TTC17: variants seen among roughly 807,000 people sequenced by gnomAD.
TTC17 encodes tetratricopeptide repeat protein 17.
In TTC17, 58 loss-of-function variants were observed where a neutral mutation model predicts 143.8. The observed-to-expected ratio is 0.40, with a 90% CI of 0.33 to 0.50. The LOEUF is 0.50. Ranked by LOEUF, TTC17 falls within the 20% of genes least tolerant of loss-of-function variation. The pLI is 0.49. For synonymous variants in TTC17, 501 were observed against 497.8 expected (o/e 1.01, Z -0.09); for missense variants, 1,273 against 1,392.5 (o/e 0.91, Z 1.37).
intron 1 of TTC17, 167 bp from the exon 2 acceptor site, chr11:43,379,066 T>G (rs935717974): frequency 1.2e-5 from 8 of 643,430 alleles, no homozygotes; most frequent in Non-Finnish European, 2.1e-5. Context: ...TCATTCCCTT[T>G]GCTAACATTT....
Position 43,458,156 on chromosome 11 carries a change from T to G in TTC17, c.3030+6891T>G, listed in dbSNP as rs77468610. Reference sequence around the variant, plus strand: ...GTCTGGGCTGGGCTCAGCCGGGCACTTCTTCTGCTGATCTCACGTGAAGTC... The same window carrying G: ...GTCTGGGCTGGGCTCAGCCGGGCACGTCTTCTGCTGATCTCACGTGAAGTC... On this transcript the variant is annotated intron_variant, in intron 21 of 23. Coordinates refer to ENST00000039989, the MANE Select transcript of TTC17 (RefSeq NM_018259.6). 3.9e-5 allele frequency among the ~76,000 whole-genome samples: 6 copies of G among 152,206 alleles called. No homozygotes were observed. The South Asian group carries it at 1.2e-3, about 32-fold the overall frequency.
At chr11:43,462,186 T>C (rs544575806) in intron 21 of TTC17, among the ~76,000 whole-genome samples, 1 of 152,162 alleles carries the variant, frequency 6.6e-6, no homozygotes, top group Admixed American at 6.5e-5. Context: ...GAATATTTTA[T>C]AACACTAAAG....
At chr11:43,404,250 T>C in intron 11 of TTC17, 106 bp downstream of exon 11, 1 of 1,088,682 alleles carries the variant, frequency 9.2e-7, no homozygotes, top group East Asian at 2.7e-5. Context: ...ACTGTTCAGA[T>C]TAGTTCAGCA....
chr11:43,429,734 T>C (rs1019393381), intron 16 of TTC17, among the ~76,000 whole-genome samples: 14 of 152,174 alleles, frequency 9.2e-5, no homozygotes, highest in Non-Finnish European at 4.4e-5. Context: ...TTGAGTGCAG[T>C]TGGGTAGAAA....
chr11:43,379,453 C>G, intron 2 of TTC17, 131 bp downstream of exon 2: 1 of 690,648 alleles, frequency 1.4e-6, no homozygotes, highest in South Asian at 1.8e-5. Context: ...AATATACTAC[C>G]TGCAATGTGT....
At chr11:43,400,405 TTGAGG>T (rs1857801609) in intron 9 of TTC17, among the ~76,000 whole-genome samples, 1 of 152,154 alleles carries the variant, frequency 6.6e-6, no homozygotes, top group African/African-American at 2.4e-5. Context: ...TAGGTCTGAA[TTGAGG>T]CCTGAGAGTC....
chr11:43,425,102 G>A (rs1483767562), intron 16 of TTC17, among the ~76,000 whole-genome samples: 3 of 152,128 alleles, frequency 2.0e-5, no homozygotes, highest in Non-Finnish European at 2.9e-5. Context: ...TTCAGTTTAT[G>A]TAATGTTAAG....
intron 21 of TTC17, among the ~76,000 whole-genome samples, chr11:43,487,242 T>C (rs554268692): frequency 1.8e-4 from 27 of 152,122 alleles, no homozygotes; most frequent in Middle Eastern, 3.4e-3. Flanking sequence ...TCCTCCCGGG[T>C]TCAAGTGATT....
chr11:43,434,134 A>C (rs1378831738), intron 16 of TTC17, among the ~76,000 whole-genome samples: 1 of 150,400 alleles, frequency 6.6e-6, no homozygotes, highest in African/African-American at 2.5e-5. Flanking sequence ...ACCATTGCTC[A>C]TGGCTTCTTT....
intron 21 of TTC17, among the ~76,000 whole-genome samples, chr11:43,459,107 C>G (rs1947817500): frequency 6.6e-6 from 1 of 151,986 alleles, no homozygotes; most frequent in Non-Finnish European, 1.5e-5. Flanking sequence ...AACTGTAAAC[C>G]TATGAATTAA....
intron 16 of TTC17, among the ~76,000 whole-genome samples, chr11:43,438,662 G>A (rs1195292719): frequency 1.3e-5 from 2 of 152,280 alleles, no homozygotes; most frequent in South Asian, 2.1e-4. Context: ...GTCAGATTTT[G>A]TTGGCCATCT....
rs550560974 is a variant in TTC17, at chr11:43,428,811, A to G, written c.2251+14035A>G. Among the ~76,000 whole-genome samples, 709 of 152,344 alleles carry G rather than the reference A, an allele frequency of 4.7e-3. 1 individual carries two copies. Among genetic ancestry groups the G allele is most frequent in the African/African-American group, 0.016 (677 of 41,584 alleles). ...ATACACATTCATATTTGGGAATCAC[A>G]TACTTTTCTTTCTTTCCTTCTTTTT... On this transcript the variant is annotated intron_variant, in intron 16 of 23. Coordinates refer to ENST00000039989, the MANE Select transcript of TTC17 (RefSeq NM_018259.6).
intron 21 of TTC17, chr11:43,489,998 C>G: frequency 3.2e-6 from 1 of 309,902 alleles, no homozygotes. Context: ...TTGGGCAAGA[C>G]ACTTAAGCTC....
intron 1 of TTC17, among the ~76,000 whole-genome samples, chr11:43,376,696 C>G (rs2134470131): frequency 6.6e-6 from 1 of 152,296 alleles, no homozygotes; most frequent in East Asian, 1.9e-4. Flanking sequence ...TACATAGACT[C>G]TAAACATTGA....
At chr11:43,386,826 G>A (rs1857187922) in intron 2 of TTC17, among the ~76,000 whole-genome samples, 1 of 151,782 alleles carries the variant, frequency 6.6e-6, no homozygotes, top group Non-Finnish European at 1.5e-5. Flanking sequence ...TCTCACTCTT[G>A]CCCCAGCTGG....
chr11:43,473,413 G>C (rs1948126996), intron 21 of TTC17, among the ~76,000 whole-genome samples: 1 of 152,184 alleles, frequency 6.6e-6, no homozygotes, highest in Non-Finnish European at 1.5e-5. Flanking sequence ...GAGAGGAGAT[G>C]AACGTCAGTG....
intron 21 of TTC17, among the ~76,000 whole-genome samples, chr11:43,484,157 T>G (rs7934094): frequency 0.15 from 22,700 of 151,840 alleles, 2,076 homozygotes; most frequent in Middle Eastern, 0.22. Context: ...AAGAAAGAAA[T>G]AAATTAATGG....
intron 1 of TTC17, among the ~76,000 whole-genome samples, chr11:43,369,679 C>T (rs1856487970): frequency 6.6e-6 from 1 of 150,412 alleles, no homozygotes; most frequent in Admixed American, 6.6e-5. Context: ...TACAGTGGTG[C>T]AATCTTATTT....
Position 43,409,962 on chromosome 11 carries a change from C to T in TTC17, c.2064+2385C>T, listed in dbSNP as rs1858333069. On this transcript the variant is annotated intron_variant, in intron 15 of 23. Transcript: ENST00000039989. ...GTTCAAGCTCTTCTCGTGCCTCAGA[C>T]TCTGGAGTAGTTGGGATTTCAGGTG... is the stretch of plus-strand genomic sequence containing the variant. Among the ~76,000 whole-genome samples the T allele has an allele frequency of 2.0e-5, 3 of 151,864 alleles. 1 individual carries two copies. Among genetic ancestry groups the T allele is most frequent in the South Asian group, 4.2e-4 (2 of 4,810 alleles).
Sources: allele counts gnomAD v4.1 joint callset (sites outside exome capture counted in the v4.1 genomes callset), GRCh38; gene constraint gnomAD v4.1.1; transcripts MANE v1.5; gene names NCBI Gene and HGNC (gene_info 2026-07-23, HGNC 2026-07-21).